Variants in FAT3 observed in about 807,000 individuals in gnomAD.
The protein encoded by FAT3 is protocadherin Fat 3.
In FAT3, 95 loss-of-function variants were observed where a neutral mutation model predicts 310.2. That is an observed-to-expected ratio of 0.31 (90% CI 0.26 to 0.36). The LOEUF (loss-of-function observed/expected upper bound fraction) is 0.36, where lower values mean the gene tolerates loss of function less well. Ranked by LOEUF, FAT3 falls within the 10% of genes least tolerant of loss-of-function variation. The pLI is 1.00. For missense variants in FAT3, 5,408 were observed against 5,715.6 expected, an observed-to-expected ratio of 0.95 and a Z score of 1.74; for synonymous variants, 2,314 against 2,192.9, an observed-to-expected ratio of 1.06 and a Z score of -1.54.
intron 13 of FAT3, among the ~76,000 whole-genome samples, chr11:92,821,306 A>G (rs1238245952): frequency 6.6e-6 from 1 of 152,192 alleles, no homozygotes; most frequent in East Asian, 1.9e-4. Flanking sequence ...TACTCCAGTA[A>G]TTTCTACAAG....
chr11:92,679,509 T>C (rs1345842922), intron 3 of FAT3, among the ~76,000 whole-genome samples: 1 of 152,030 alleles, frequency 6.6e-6, no homozygotes, highest in East Asian at 1.9e-4. Flanking sequence ...TGAGGTAAGA[T>C]AATATCTTAC....
At chr11:92,792,368 T>C (rs559457236) in intron 8 of FAT3, among the ~76,000 whole-genome samples, 32 of 152,298 alleles carry the variant, frequency 2.1e-4, no homozygotes, top group African/African-American at 7.2e-4. Flanking sequence ...TTGTGTTCAT[T>C]AATTCCAGTC....
intron 3 of FAT3, among the ~76,000 whole-genome samples, chr11:92,601,586 G>C (rs1940029223): frequency 6.6e-6 from 1 of 152,082 alleles, no homozygotes; most frequent in South Asian, 2.1e-4. Context: ...GACCGAGTAA[G>C]ACTGTGTCTC....
intron 2 of FAT3, among the ~76,000 whole-genome samples, chr11:92,363,551 G>A (rs1301378477): frequency 6.6e-6 from 1 of 152,114 alleles, no homozygotes; most frequent in Non-Finnish European, 1.5e-5. Flanking sequence ...GACATGTTGA[G>A]GAATAAGACA....
At chr11:92,731,908 A>G (rs1455083634) in intron 4 of FAT3, among the ~76,000 whole-genome samples, 1 of 152,234 alleles carries the variant, frequency 6.6e-6, no homozygotes, top group Non-Finnish European at 1.5e-5. Flanking sequence ...ATGACAACAC[A>G]TAAAAATTGC....
chr11:92,867,179 GGGGGC>G lies in FAT3; in HGVS notation c.12098_12102del (p.Gly4033GlufsTer24). The G allele has an allele frequency of 6.3e-7, 1 of 1,587,864 alleles. No individual in the cohort carries two copies. Among genetic ancestry groups the G allele is most frequent in the Non-Finnish European group, 8.5e-7 (1 of 1,170,276 alleles). On this transcript the variant is annotated frameshift_variant, in exon 22 of 28. Coordinates refer to ENST00000525166, the MANE Select transcript of FAT3 (RefSeq NM_001367949.2). LOFTEE classifies it high-confidence loss of function. ...CTGCAAGCGCAGCCCGTGCCAGCAC[GGGGGC>G]AGCTGCACTGGCCTGCCATCGGGGG...
At chr11:92,705,400 G>GTGGTGGTGGTGATGGTGGTAGTGTGA in intron 4 of FAT3, among the ~76,000 whole-genome samples, 1 of 133,608 alleles carries the variant, frequency 7.5e-6, no homozygotes, top group Middle Eastern at 3.9e-3. Context: ...GGTGGTGATG[G>GTGGTGGTGGTGATGGTGGTAGTGTGA]TGGTGGTGGT....
At chr11:92,330,553 A>G (rs573530118) in intron 1 of FAT3, among the ~76,000 whole-genome samples, 1 of 152,324 alleles carries the variant, frequency 6.6e-6, no homozygotes, top group African/African-American at 2.4e-5. Flanking sequence ...CAGAGAGTTT[A>G]AGTGTTTTGC....
chr11:92,797,761 A>G, intron 9 of FAT3, 75 bp from the exon 10 acceptor site: 2 of 1,300,850 alleles, frequency 1.5e-6, no homozygotes, highest in South Asian at 1.4e-5. Context: ...TAAGGTACCT[A>G]TAGATAAAGA....
chr11:92,301,679 T>G (rs1415093530), intron 1 of FAT3, among the ~76,000 whole-genome samples: 1 of 152,152 alleles, frequency 6.6e-6, no homozygotes, highest in Non-Finnish European at 1.5e-5. Flanking sequence ...ATTATTATTA[T>G]TGTTCCTTTA....
chr11:92,471,915 CTATATATATATATATA>C (rs140886151), intron 2 of FAT3, among the ~76,000 whole-genome samples: 2,351 of 124,870 alleles, frequency 0.019, 55 homozygotes, highest in Middle Eastern at 0.043. Context: ...TTTTCATATG[CTATATATATATATATA>C]TATATATATA....
intron 19 of FAT3, among the ~76,000 whole-genome samples, chr11:92,845,563 G>A (rs1377938387): frequency 6.6e-6 from 1 of 152,200 alleles, no homozygotes; most frequent in Non-Finnish European, 1.5e-5. Context: ...ACCTTTACTA[G>A]TCAAAGCCAT....
chr11:92,644,114 G>A (rs1009480109), intron 3 of FAT3, among the ~76,000 whole-genome samples: 3 of 152,198 alleles, frequency 2.0e-5, no homozygotes, highest in Non-Finnish European at 4.4e-5. Context: ...AGGGCCGGGG[G>A]CCAAGGTGGC....
In FAT3 at chr11:92,357,749, A is replaced by G. The variant is rs764282594; in HGVS notation, c.3292+2345A>G. ...CCTGATACAGTGAAAAGTTGGAACA[A>G]TTTGGTATTAGTGGCCTAGATTTTC... On this transcript the variant is annotated intron_variant, in intron 2 of 27. Transcript: ENST00000525166. Among the ~76,000 whole-genome samples the G allele has an allele frequency of 2.6e-4, 39 of 152,188 alleles. 1 individual carries two copies. In the Middle Eastern group the frequency reaches 0.01, roughly 40 times the overall value.
chr11:92,698,806 C>T (rs1369934925), intron 4 of FAT3, among the ~76,000 whole-genome samples: 1 of 152,170 alleles, frequency 6.6e-6, no homozygotes, highest in Non-Finnish European at 1.5e-5. Flanking sequence ...TCATGGGCTT[C>T]TTTCCTTTCC....
intron 2 of FAT3, among the ~76,000 whole-genome samples, chr11:92,395,283 G>A (rs916993313): frequency 5.3e-5 from 8 of 152,168 alleles, no homozygotes; most frequent in African/African-American, 1.9e-4. Flanking sequence ...GCACTTAAGA[G>A]TCTCACCTAT....
At chr11:92,742,966 T>C (rs753785559) in intron 4 of FAT3, among the ~76,000 whole-genome samples, 3 of 152,230 alleles carry the variant, frequency 2.0e-5, no homozygotes, top group Non-Finnish European at 4.4e-5. Context: ...AGTGGATAGA[T>C]GGTGTCAATA....
intron 2 of FAT3, among the ~76,000 whole-genome samples, chr11:92,479,335 A>G (rs1565348802): frequency 6.6e-6 from 1 of 151,998 alleles, no homozygotes; most frequent in Non-Finnish European, 1.5e-5. Flanking sequence ...ATTGACTGAA[A>G]TACAACTAAA....
At chr11:92,634,662 T>A (rs1309303338) in intron 3 of FAT3, among the ~76,000 whole-genome samples, 1 of 152,166 alleles carries the variant, frequency 6.6e-6, no homozygotes, top group East Asian at 1.9e-4. Flanking sequence ...ATGCACACTT[T>A]GAGGACCTGG....
Sources: allele counts gnomAD v4.1 joint callset (sites outside exome capture counted in the v4.1 genomes callset), GRCh38; gene constraint gnomAD v4.1.1; transcripts MANE v1.5; gene names NCBI Gene and HGNC (gene_info 2026-07-23, HGNC 2026-07-21).